The following SCARB1 variants were observed in gnomAD, a reference collection of about 807,000 sequenced individuals.
SCARB1 encodes scavenger receptor class B member 1.
A neutral mutation model predicts 57.2 loss-of-function variants in SCARB1; 30 were observed. That is an observed-to-expected ratio of 0.52 (90% confidence interval 0.39 to 0.71). The LOEUF is 0.71. Ranked by LOEUF, SCARB1 falls within the 30% of genes least tolerant of loss-of-function variation. The pLI, the probability that SCARB1 is intolerant of heterozygous loss-of-function variation, is 0.00. For synonymous variants in SCARB1, 249 were observed against 268.3 expected (o/e 0.93, Z 0.70); for missense variants, 543 against 671.2 (o/e 0.81, Z 2.11).
chr12:124,812,015 G>T lies in SCARB1; in HGVS notation c.631-50C>A. The T allele has an allele frequency of 7.0e-7, 1 of 1,431,100 alleles. No individual in the cohort carries two copies. The highest frequency in any genetic ancestry group is 9.7e-7 in the Non-Finnish European group (1 of 1,029,166). 88.7% of individuals were successfully genotyped at this position (1,431,100 alleles called of 1,614,324 possible). A position where few individuals can be genotyped will look rare whatever the true frequency, so the allele number is the denominator to read the frequency against. On this transcript the variant is annotated intron_variant, in intron 4 of 12. Coordinates refer to ENST00000261693, the MANE Select transcript of SCARB1 (RefSeq NM_005505.5). This position sits in a 1 kb window ranked among gnomAD's most constrained non-coding sequence, Gnocchi z 4.3. ...TCGTAAGGCTTAGGCCTGCCATTGA[G>T]CCGGCCTGGTCTGAACATTCTGGGC...
intron 1 of SCARB1, among the ~76,000 whole-genome samples, chr12:124,825,997 AAT>A (rs1311301046): frequency 2.0e-5 from 3 of 151,988 alleles, no homozygotes; most frequent in Non-Finnish European, 4.4e-5. Context: ...GACTGTGATT[AAT>A]ACTGTACTGT....
chr12:124,817,431 C>T lies in SCARB1; in HGVS notation c.284+119G>A. 2.0e-6 allele frequency: 2 copies of T among 998,654 alleles called. No individual in the cohort carries two copies. Among genetic ancestry groups the T allele is most frequent in the Non-Finnish European group, 3.0e-6 (2 of 660,194 alleles). The allele number at this position is 998,654 out of a possible 1,614,324, so 61.9% of individuals were successfully genotyped here. A position where few individuals can be genotyped will look rare whatever the true frequency, so the allele number is the denominator to read the frequency against. On this transcript the variant is annotated intron_variant, in intron 2 of 12. Transcript: ENST00000261693. The surrounding 1 kb of genome is among the most constrained non-coding windows in gnomAD (Gnocchi z 4.8). Reference sequence around the variant, plus strand: ...TAGCACTTACCCCGACTATGACTTGCCTGCTTCCGGAACAATCTCTGGGGC... The same window carrying T: ...TAGCACTTACCCCGACTATGACTTGTCTGCTTCCGGAACAATCTCTGGGGC...
At chr12:124,854,226 G>T (rs1322354637) in intron 1 of SCARB1, among the ~76,000 whole-genome samples, 2 of 152,246 alleles carry the variant, frequency 1.3e-5, no homozygotes, top group African/African-American at 4.8e-5. Flanking sequence ...GAGCAAGTGA[G>T]AGCTGAACAG....
At chr12:124,827,658 C>T (rs7961631) in intron 1 of SCARB1, among the ~76,000 whole-genome samples, 150,201 of 152,248 alleles carry the variant, frequency 0.99, 74,135 homozygotes, top group East Asian at 1. Context: ...CTATCCTGTC[C>T]AAGAGGCCAC....
At chr12:124,782,481 C>CA (rs1949352764) in intron 12 of SCARB1, among the ~76,000 whole-genome samples, 1 of 152,112 alleles carries the variant, frequency 6.6e-6, no homozygotes, top group Non-Finnish European at 1.5e-5. Context: ...CCTCTGGGAT[C>CA]AAAAAAACTG....
rs371339376 is a variant in SCARB1, at chr12:124,817,547, C to T, written c.284+3G>A. ...CTCCACCCTCACCTGGACACAGCCT[C>T]ACCTGTACACGTAGGGCCCGCGCTC... On this transcript the variant is annotated splice_donor_region_variant and intron_variant, in intron 2 of 12. Transcript: ENST00000261693. The surrounding 1 kb of genome is among the most constrained non-coding windows in gnomAD (Gnocchi z 4.8). 3.1e-6 allele frequency: 5 copies of T among 1,613,608 alleles called. No homozygotes were observed. The highest frequency in any genetic ancestry group is 1.3e-5 in the African/African-American group (1 of 74,936).
In SCARB1 at chr12:124,783,116, A is replaced by G. The variant is rs548569300; in HGVS notation, c.1402-305T>C. On this transcript the variant is annotated intron_variant, in intron 11 of 12. Transcript: ENST00000261693. ...AGATGGGCCATGGAGACCGACAACC[A>G]GTGGACTTAGCTGGGGGGCTGTTTA... is the stretch of plus-strand genomic sequence containing the variant. 5.4e-5 allele frequency: 20 copies of G among 371,494 alleles called. No individual in the cohort carries two copies. The South Asian group carries it at 6.5e-4, about 12-fold the overall frequency. The allele number at this position is 371,494 out of a possible 1,614,324, so 23.0% of individuals were successfully genotyped here. A position where few individuals can be genotyped will look rare whatever the true frequency, so the allele number is the denominator to read the frequency against.
intron 1 of SCARB1, among the ~76,000 whole-genome samples, chr12:124,843,652 A>T (rs538793419): frequency 1.3e-5 from 2 of 152,072 alleles, no homozygotes; most frequent in Admixed American, 1.3e-4. Context: ...GGGTCTCTAC[A>T]GATGTTACCA....
chr12:124,835,251 T>C (rs531874361), intron 1 of SCARB1, among the ~76,000 whole-genome samples: 1 of 144,334 alleles, frequency 6.9e-6, no homozygotes, highest in African/African-American at 2.6e-5. Context: ...TCTATTTTTA[T>C]GTATGTTTGA....
intron 1 of SCARB1, among the ~76,000 whole-genome samples, chr12:124,852,913 G>A (rs553926909): frequency 2.0e-5 from 3 of 152,206 alleles, no homozygotes; most frequent in South Asian, 4.1e-4. Context: ...AGTGGTGCAC[G>A]CCTGTAATCC....
At chr12:124,859,320 G>A (rs1005948723) in intron 1 of SCARB1, among the ~76,000 whole-genome samples, 2 of 152,158 alleles carry the variant, frequency 1.3e-5, no homozygotes, top group African/African-American at 4.8e-5. Flanking sequence ...AAGGTCAGGA[G>A]ATCAAGACCA....
chr12:124,815,502 G>A (rs1032322421), intron 2 of SCARB1, among the ~76,000 whole-genome samples: 20 of 152,218 alleles, frequency 1.3e-4, no homozygotes, highest in African/African-American at 3.6e-4. Flanking sequence ...TGCTGTGACT[G>A]TTGCTGCTGC....
intron 7 of SCARB1, among the ~76,000 whole-genome samples, chr12:124,806,644 C>T (rs1950333146): frequency 6.6e-6 from 1 of 152,184 alleles, no homozygotes; most frequent in Non-Finnish European, 1.5e-5. Context: ...CCTGTAATCC[C>T]ATTGCTTTAA....
rs1950481714 is a variant in SCARB1 at position 124,810,444 on chromosome 12, CAGAG to C, written c.727-159_727-156del. Among the ~76,000 whole-genome samples the C allele has an allele frequency of 1.3e-5, 2 of 152,178 alleles. No homozygotes were observed. On this transcript the variant is annotated intron_variant, in intron 5 of 12. Coordinates refer to ENST00000261693, the MANE Select transcript of SCARB1 (RefSeq NM_005505.5). The surrounding 1 kb of genome is among the most constrained non-coding windows in gnomAD (Gnocchi z 4.0). Reference sequence around the variant, plus strand: ...GAAGAGGGCAGGCTATGTAGACACACAGAGAGAATGCCTACCACAGCTTCCCCCT... The same window carrying C: ...GAAGAGGGCAGGCTATGTAGACACACAGAATGCCTACCACAGCTTCCCCCT...
chr12:124,820,064 C>T (rs1456080751), intron 1 of SCARB1, among the ~76,000 whole-genome samples: 2 of 152,164 alleles, frequency 1.3e-5, no homozygotes, highest in African/African-American at 4.8e-5. Flanking sequence ...CTTCAAGTGC[C>T]ATAATTGTTT....
chr12:124,829,159 G>A (rs536018638), intron 1 of SCARB1, among the ~76,000 whole-genome samples: 2 of 152,314 alleles, frequency 1.3e-5, no homozygotes, highest in Non-Finnish European at 2.9e-5. Flanking sequence ...TTGCTTAAGC[G>A]AAGAGGTTGA....
At chr12:124,806,748 T>C (rs529568573) in intron 7 of SCARB1, among the ~76,000 whole-genome samples, 27 of 151,202 alleles carry the variant, frequency 1.8e-4, no homozygotes, top group African/African-American at 6.6e-4. Context: ...TTTACAAAAA[T>C]AAAATTAGCT....
chr12:124,809,377 G>T (rs1950443138), intron 6 of SCARB1, among the ~76,000 whole-genome samples: 1 of 152,150 alleles, frequency 6.6e-6, no homozygotes, highest in Non-Finnish European at 1.5e-5. Context: ...TTGAGGCTAG[G>T]AGTTCAAGAC....
intron 1 of SCARB1, among the ~76,000 whole-genome samples, chr12:124,844,273 G>A (rs1047969367): frequency 1.3e-5 from 2 of 152,142 alleles, no homozygotes; most frequent in Admixed American, 6.5e-5. Context: ...ATGTTGACAC[G>A]AGTTACCGTG....
Sources: allele counts gnomAD v4.1 joint callset (sites outside exome capture counted in the v4.1 genomes callset), GRCh38; gene constraint gnomAD v4.1.1; non-coding constraint Gnocchi (gnomAD v3.1); transcripts MANE v1.5; gene names NCBI Gene and HGNC (gene_info 2026-07-23, HGNC 2026-07-21).